PPHLN1: variants seen among roughly 807,000 people sequenced by gnomAD.
The protein encoded by PPHLN1 is periphilin 1.
A neutral mutation model predicts 51.3 loss-of-function variants in PPHLN1; 29 were observed. That is an observed-to-expected ratio of 0.57 (90% CI 0.42 to 0.77). The LOEUF is 0.77. Ranked by LOEUF, PPHLN1 falls within the 30% of genes least tolerant of loss-of-function variation. PPHLN1 has a pLI of 0.00. For missense variants in PPHLN1, 436 were observed against 438.4 expected (o/e 0.99, Z 0.05); for synonymous variants, 147 against 147.8 (o/e 0.99, Z 0.04).
At chr12:42,395,634 A>G (rs1443205726) in intron 8 of PPHLN1, among the ~76,000 whole-genome samples, 2 of 152,148 alleles carry the variant, frequency 1.3e-5, no homozygotes, top group African/African-American at 4.8e-5. Flanking sequence ...ATTTGACAGA[A>G]TAGCCTGGAA....
Position 42,432,166 on chromosome 12 carries a change from T to C in PPHLN1, c.910-9149T>C. ...CGGCTGTCTCGATCATCTTCTTCAATGACCAATCACTCAGCTTGTCTTTAC... is the reference window on the plus strand; with the variant it reads ...CGGCTGTCTCGATCATCTTCTTCAACGACCAATCACTCAGCTTGTCTTTAC... On this transcript the variant is annotated intron_variant, in intron 9 of 9. Transcript: ENST00000358314. 4 of 889,834 alleles carry C rather than the reference T, an allele frequency of 4.5e-6. No individual in the cohort carries two copies. The South Asian group carries it at 5.2e-5, about 12-fold the overall frequency. The allele number at this position is 889,834 out of a possible 1,614,324, so 55.1% of individuals were successfully genotyped here.
chr12:42,376,228 G>T lies in PPHLN1; in HGVS notation c.511+1154G>T, dbSNP rs568199332. 5.9e-5 allele frequency among the ~76,000 whole-genome samples: 9 copies of T among 152,220 alleles called. No homozygotes were observed. The South Asian group carries it at 8.3e-4, about 14-fold the overall frequency. On this transcript the variant is annotated intron_variant, in intron 5 of 9. Coordinates refer to ENST00000358314, the MANE Select transcript of PPHLN1 (RefSeq NM_201439.2). ...AAGTCCAGGATATTTCCTTTTCAAC[G>T]TCCTTCTCATTAACTGTCTTTTTTT...
intron 4 of PPHLN1, among the ~76,000 whole-genome samples, chr12:42,369,417 C>T (rs1236412712): frequency 6.6e-6 from 1 of 152,144 alleles, no homozygotes; most frequent in African/African-American, 2.4e-5. Flanking sequence ...ATACAACTAT[C>T]AGGCACTTGT....
chr12:42,442,671 C>A (rs1171047665), downstream of PPHLN1: 5 of 1,614,004 alleles, frequency 3.1e-6, no homozygotes, highest in Non-Finnish European at 4.2e-6. Context: ...CAGCAGGTAC[C>A]CCCTGTGAGG....
At chr12:42,343,519 A>G (rs1192314570) in intron 2 of PPHLN1, among the ~76,000 whole-genome samples, 1 of 152,204 alleles carries the variant, frequency 6.6e-6, no homozygotes, top group African/African-American at 2.4e-5. Context: ...TTTCAAAGTA[A>G]ATTGTGGACA....
At chr12:42,341,068 C>T (rs2071425378) in intron 2 of PPHLN1, among the ~76,000 whole-genome samples, 1 of 150,518 alleles carries the variant, frequency 6.6e-6, no homozygotes, top group Non-Finnish European at 1.5e-5. Flanking sequence ...GCAACCTCTG[C>T]CTCCCAGGTT....
chr12:42,364,719 G>C (rs2075081984), intron 4 of PPHLN1, among the ~76,000 whole-genome samples: 1 of 152,078 alleles, frequency 6.6e-6, no homozygotes, highest in Admixed American at 6.5e-5. Flanking sequence ...TCAGGAGTTT[G>C]AGACCAGCTT....
chr12:42,407,733 C>T (rs926016823), intron 9 of PPHLN1, among the ~76,000 whole-genome samples: 1 of 152,016 alleles, frequency 6.6e-6, no homozygotes, highest in African/African-American at 2.4e-5. Flanking sequence ...TAAATCATCT[C>T]GATTATTTAT....
At chr12:42,361,910 G>C (rs1447190139) in intron 4 of PPHLN1, among the ~76,000 whole-genome samples, 2 of 152,164 alleles carry the variant, frequency 1.3e-5, no homozygotes, top group African/African-American at 4.8e-5. Flanking sequence ...TGGAATTACT[G>C]AATCATATGG....
At chr12:42,363,068 A>G (rs779770367) in intron 4 of PPHLN1, among the ~76,000 whole-genome samples, 1 of 152,170 alleles carries the variant, frequency 6.6e-6, no homozygotes, top group Non-Finnish European at 1.5e-5. Context: ...GGTACCAGAG[A>G]GAACTGACAC....
chr12:42,433,385 C>T (rs914108508), intron 9 of PPHLN1: 6 of 403,256 alleles, frequency 1.5e-5, no homozygotes, highest in South Asian at 2.2e-5. Context: ...TGCAGTGGTG[C>T]GTTCTCTGCT....
chr12:42,378,727 C>T (rs1365930839), intron 5 of PPHLN1, among the ~76,000 whole-genome samples: 1 of 152,132 alleles, frequency 6.6e-6, no homozygotes, highest in African/African-American at 2.4e-5. Flanking sequence ...TTTGTGCTCA[C>T]ATACATACAC....
chr12:42,346,977 C>T (rs11181448), intron 2 of PPHLN1: 24,732 of 152,144 alleles, frequency 0.16, 2,060 homozygotes, highest in Admixed American at 0.2. Flanking sequence ...CCTTGAACTC[C>T]TAGGCTCAAG....
At chr12:42,406,044 A>AGTT (rs1297561422) in intron 9 of PPHLN1, among the ~76,000 whole-genome samples, 1 of 151,692 alleles carries the variant, frequency 6.6e-6, no homozygotes, top group East Asian at 1.9e-4. Context: ...ACCCCCTTCA[A>AGTT]GGTAACTACT....
intron 8 of PPHLN1, among the ~76,000 whole-genome samples, chr12:42,397,390 C>G (rs1346916984): frequency 1.3e-5 from 2 of 152,096 alleles, no homozygotes; most frequent in Non-Finnish European, 2.9e-5. Context: ...TGTACAGTAC[C>G]TCGGACATAT....
At chr12:42,364,384 C>A (rs1251262288) in intron 4 of PPHLN1, among the ~76,000 whole-genome samples, 1 of 151,558 alleles carries the variant, frequency 6.6e-6, no homozygotes, top group Non-Finnish European at 1.5e-5. Context: ...AATCCCAGTA[C>A]TTTGGGAGGC....
At chr12:42,326,831 C>T (rs1188282455) in intron 1 of PPHLN1, among the ~76,000 whole-genome samples, 1 of 152,196 alleles carries the variant, frequency 6.6e-6, no homozygotes, top group Non-Finnish European at 1.5e-5. Context: ...GTAATTTATA[C>T]TTCTGCCTAC....
At chr12:42,382,832 A>C (rs753994771) in intron 5 of PPHLN1, among the ~76,000 whole-genome samples, 12 of 152,216 alleles carry the variant, frequency 7.9e-5, no homozygotes, top group Non-Finnish European at 1.5e-4. Flanking sequence ...AAATCATTAA[A>C]GTGCTATAGT....
chr12:42,423,290 A>C (rs933762139), intron 9 of PPHLN1, among the ~76,000 whole-genome samples: 2 of 152,158 alleles, frequency 1.3e-5, no homozygotes, highest in Non-Finnish European at 2.9e-5. Flanking sequence ...GATTTTCCCC[A>C]CTGTACATAA....
Sources: gnomAD v4.1 joint callset for allele counts (sites outside exome capture counted in the v4.1 genomes callset) on GRCh38, gnomAD v4.1.1 for gene constraint, MANE v1.5 for transcripts, NCBI Gene and HGNC (gene_info 2026-07-23, HGNC 2026-07-21) for gene names.